Variants in MYO5B observed in about 807,000 individuals in gnomAD.
MYO5B encodes myosin VB.
Under a neutral mutation model 229.3 loss-of-function variants are expected in MYO5B, and 143 were observed. The observed-to-expected ratio is 0.62, with a 90% CI of 0.54 to 0.72. The LOEUF is 0.72. Ranked by LOEUF, MYO5B falls within the 30% of genes least tolerant of loss-of-function variation. The probability of loss-of-function intolerance (pLI) is 0.00; values close to 1 mark genes in which losing one functional copy is unlikely to be tolerated. For synonymous variants in MYO5B, 918 were observed against 885.2 expected (o/e 1.04, Z -0.66); for missense variants, 2,321 against 2,331.0 (o/e 1.00, Z 0.09).
intron 25 of MYO5B, among the ~76,000 whole-genome samples, chr18:49,876,803 G>A (rs1021458700): frequency 6.6e-6 from 1 of 152,204 alleles, no homozygotes; most frequent in South Asian, 2.1e-4. Context: ...ACGCAGAACC[G>A]CACAACAGAG....
At chr18:49,886,192 G>A (rs1047725982) in intron 22 of MYO5B, among the ~76,000 whole-genome samples, 24 of 152,124 alleles carry the variant, frequency 1.6e-4, no homozygotes, top group Admixed American at 4.6e-4. Context: ...TGCCCACCTT[G>A]GCCTCCCAAA....
intron 14 of MYO5B, among the ~76,000 whole-genome samples, chr18:49,952,332 G>A (rs926965140): frequency 1.3e-5 from 2 of 151,992 alleles, no homozygotes; most frequent in Non-Finnish European, 2.9e-5. Context: ...CCTAAATCCT[G>A]GGAATTTCCC....
At chr18:50,025,839 T>G (rs182072987) in intron 4 of MYO5B, among the ~76,000 whole-genome samples, 4 of 152,310 alleles carry the variant, frequency 2.6e-5, no homozygotes, top group Admixed American at 2.0e-4. Context: ...TCACTGCATA[T>G]GTGGCTTTAG....
chr18:49,860,087 G>C, intron 29 of MYO5B, among the ~76,000 whole-genome samples: 1 of 152,144 alleles, frequency 6.6e-6, no homozygotes, highest in Non-Finnish European at 1.5e-5. Flanking sequence ...TGGATGGAGA[G>C]GAGCTGCTAG....
At chr18:49,836,607 G>T in intron 38 of MYO5B, 104 bp downstream of exon 38, 2 of 1,325,490 alleles carry the variant, frequency 1.5e-6, no homozygotes. Flanking sequence ...TATATAAAGG[G>T]TGGGAGTGCA....
intron 1 of MYO5B, among the ~76,000 whole-genome samples, chr18:50,069,378 G>A (rs768593191): frequency 4.5e-4 from 69 of 152,126 alleles, no homozygotes; most frequent in African/African-American, 1.4e-3. Context: ...CACCACTCAC[G>A]GCAGGGACGT....
chr18:50,108,605 G>A (rs1209745043), intron 1 of MYO5B, among the ~76,000 whole-genome samples: 2 of 152,170 alleles, frequency 1.3e-5, no homozygotes, highest in African/African-American at 4.8e-5. Context: ...ATGTTTCACA[G>A]AAGCCCAAGA....
chr18:49,889,886 A>G (rs1302710856), intron 22 of MYO5B, among the ~76,000 whole-genome samples: 1 of 152,168 alleles, frequency 6.6e-6, no homozygotes, highest in Non-Finnish European at 1.5e-5. Flanking sequence ...TATGCCACCT[A>G]CACCTCCTAT....
chr18:49,858,967 T>A (rs1190302467), intron 29 of MYO5B, among the ~76,000 whole-genome samples: 1 of 152,248 alleles, frequency 6.6e-6, no homozygotes, highest in Non-Finnish European at 1.5e-5. Flanking sequence ...GGCTCAGGAT[T>A]TTTTGTTGAA....
intron 17 of MYO5B, among the ~76,000 whole-genome samples, chr18:49,925,311 T>C (rs1439404255): frequency 6.6e-6 from 1 of 152,246 alleles, no homozygotes; most frequent in African/African-American, 2.4e-5. Flanking sequence ...GCCTGTGACC[T>C]GGAAGCTCCC....
intron 1 of MYO5B, among the ~76,000 whole-genome samples, chr18:50,140,278 A>T (rs2144285209): frequency 6.6e-6 from 1 of 152,360 alleles, no homozygotes; most frequent in East Asian, 1.9e-4. Context: ...TATTTGCAAA[A>T]TGCTCAAGGA....
At chr18:50,030,786 C>A (rs538078282) in intron 4 of MYO5B, among the ~76,000 whole-genome samples, 143 of 144,074 alleles carry the variant, frequency 9.9e-4, no homozygotes, top group African/African-American at 3.2e-3. Flanking sequence ...CAGCTGGCAA[C>A]ACAGCAGAGA....
chr18:50,190,732 A>G (rs2033215307), intron 1 of MYO5B, among the ~76,000 whole-genome samples: 1 of 152,258 alleles, frequency 6.6e-6, no homozygotes. Flanking sequence ...ATTTTCTTAG[A>G]TAACTAGAAA....
intron 1 of MYO5B, among the ~76,000 whole-genome samples, chr18:50,106,379 CCCT>C (rs574281350): frequency 1.3e-4 from 20 of 152,186 alleles, no homozygotes; most frequent in Non-Finnish European, 2.4e-4. Flanking sequence ...CTCTTAGATG[CCCT>C]CCTCACTGTT....
chr18:50,014,188 G>A (rs1299336493), intron 4 of MYO5B, among the ~76,000 whole-genome samples: 1 of 149,206 alleles, frequency 6.7e-6, no homozygotes, highest in African/African-American at 2.5e-5. Context: ...AGAAGCAGTA[G>A]CAGAAAAACT....
chr18:50,057,140 C>G (rs1426939930), intron 1 of MYO5B, among the ~76,000 whole-genome samples: 1 of 152,224 alleles, frequency 6.6e-6, no homozygotes, highest in Non-Finnish European at 1.5e-5. Context: ...ATTTGCTGAT[C>G]TTAACTGTCA....
intron 1 of MYO5B, among the ~76,000 whole-genome samples, chr18:50,099,824 G>T (rs2031621905): frequency 6.6e-6 from 1 of 152,154 alleles, no homozygotes; most frequent in Non-Finnish European, 1.5e-5. Flanking sequence ...ATGCCAATGG[G>T]CACCTGACAT....
At chr18:49,971,245 G>C (rs2144275298) in intron 10 of MYO5B, among the ~76,000 whole-genome samples, 1 of 152,332 alleles carries the variant, frequency 6.6e-6, no homozygotes, top group African/African-American at 2.4e-5. Flanking sequence ...AACTGGGAAG[G>C]AGGTGAGTAG....
intron 16 of MYO5B, among the ~76,000 whole-genome samples, chr18:49,935,794 G>A (rs1598894349): frequency 6.6e-6 from 1 of 152,220 alleles, no homozygotes; most frequent in African/African-American, 2.4e-5. Context: ...GGGAGCAAAT[G>A]TGGATAATTC....
Sources: gnomAD v4.1 joint callset for allele counts (sites outside exome capture counted in the v4.1 genomes callset) on GRCh38, gnomAD v4.1.1 for gene constraint, MANE v1.5 for transcripts, NCBI Gene and HGNC (gene_info 2026-07-23, HGNC 2026-07-21) for gene names.